Variants in PLCH2 observed in about 807,000 individuals in gnomAD.
PLCH2 encodes phospholipase C eta 2.
Under a neutral mutation model 134.7 loss-of-function variants are expected in PLCH2, and 98 were observed. That is an observed-to-expected ratio of 0.73 (90% CI 0.62 to 0.86). The LOEUF is 0.86. Ranked by LOEUF, PLCH2 falls within the 40% of genes least tolerant of loss-of-function variation. PLCH2 has a pLI of 0.00. For synonymous variants in PLCH2, 974 were observed against 827.5 expected, an observed-to-expected ratio of 1.18 and a Z score of -3.04; for missense variants, 1,994 against 1,986.6, an observed-to-expected ratio of 1.00 and a Z score of -0.07.
intron 21 of PLCH2, chr1:2,502,942 G>C (rs962022377): frequency 1.4e-6 from 1 of 717,172 alleles, no homozygotes; most frequent in Admixed American, 2.0e-5. Flanking sequence ...TGGTCCTCCC[G>C]CACGCCCCTG....
At chr1:2,420,033 A>G in the PLCH2 span, among the ~76,000 whole-genome samples, 1 of 133,120 alleles carries the variant, frequency 7.5e-6, no homozygotes, top group Non-Finnish European at 1.5e-5. Flanking sequence ...CCTCCCCAGT[A>G]GCCTGGGTAC....
upstream of PLCH2, among the ~76,000 whole-genome samples, chr1:2,462,505 C>T (rs1640873834): frequency 2.0e-5 from 3 of 151,694 alleles, no homozygotes; most frequent in Admixed American, 2.0e-4. Context: ...TGGTCTTGTC[C>T]CCATGGCCTG....
rs1392224541 is a variant in PLCH2, at chr1:2,504,145, C to T, written c.3183C>T (p.Gly1061=). 3.6e-5 allele frequency: 55 copies of T among 1,519,668 alleles called. No individual in the cohort carries two copies. Among genetic ancestry groups the T allele is most frequent in the Non-Finnish European group, 4.6e-5 (52 of 1,135,298 alleles). The allele number at this position is 1,519,668 out of a possible 1,614,324, so 94.1% of individuals were successfully genotyped here. A position where few individuals can be genotyped will look rare whatever the true frequency, so the allele number is the denominator to read the frequency against. Residue 1061 remains glycine, a synonymous_variant, in exon 22 of 22, where the codon GGC becomes GGT. Transcript: ENST00000378486. ...PRDSRPRPCN[G]EGAGGAYERA... ...ACAGCAGGCCTCGGCCGTGCAACGG[C>T]GAGGGCGCCGGCGGGGCATACGAGA...
At chr1:2,441,794 T>C (rs1639704941) in intron 2 of PLCH2, among the ~76,000 whole-genome samples, 1 of 151,916 alleles carries the variant, frequency 6.6e-6, no homozygotes, top group Admixed American at 6.6e-5. Context: ...TGCCGCAGGG[T>C]TCACTGGGGG....
chr1:2,503,625 T>C, intron 21 of PLCH2: 1 of 683,528 alleles, frequency 1.5e-6, no homozygotes, highest in Non-Finnish European at 2.7e-6. Flanking sequence ...AGTTAGGAAC[T>C]GAGAGCGGCG....
upstream of PLCH2, among the ~76,000 whole-genome samples, chr1:2,425,248 C>CACACACATACAT (rs1638732502): frequency 1.4e-5 from 2 of 142,530 alleles, no homozygotes; most frequent in Non-Finnish European, 2.9e-5. Context: ...ACATATGTAA[C>CACACACATACAT]ACACACATAC....
Position 2,498,937 on chromosome 1 carries a change from T to G in PLCH2, c.2434+109T>G. 1 of 1,340,030 alleles carries G rather than the reference T, an allele frequency of 7.5e-7. No individual in the cohort carries two copies. The highest frequency in any genetic ancestry group is 1.0e-6 in the Non-Finnish European group (1 of 961,444). The allele number at this position is 1,340,030 out of a possible 1,614,324, so 83.0% of individuals were successfully genotyped here. On this transcript the variant is annotated intron_variant, in intron 18 of 21. Transcript: ENST00000378486. This position sits in a 1 kb window ranked among gnomAD's most constrained non-coding sequence, Gnocchi z 5.4. Reference sequence around the variant, plus strand: ...CTGCCCAGGCCTCCCTCAGTGACAGTCCTGGGCGCCCTCCCCTCTAGGTGG... The same window carrying G: ...CTGCCCAGGCCTCCCTCAGTGACAGGCCTGGGCGCCCTCCCCTCTAGGTGG...
chr1:2,480,335 T>C, intron 4 of PLCH2, 23 bp downstream of exon 4: 1 of 1,606,078 alleles, frequency 6.2e-7, no homozygotes, highest in Non-Finnish European at 8.5e-7. Context: ...GAGCCCTACC[T>C]GGGCTCCAGA....
intron 2 of PLCH2, among the ~76,000 whole-genome samples, chr1:2,431,841 A>G (rs1038074869): frequency 6.6e-6 from 1 of 151,684 alleles, no homozygotes; most frequent in Non-Finnish European, 1.5e-5. Flanking sequence ...TGCTGGGCCT[A>G]CCCTCATCCT....
At chr1:2,486,156 T>G (rs2100678326) in intron 5 of PLCH2, among the ~76,000 whole-genome samples, 1 of 152,226 alleles carries the variant, frequency 6.6e-6, no homozygotes, top group East Asian at 1.9e-4. Flanking sequence ...GGGGCCTGGA[T>G]AGGGGATTGG....
chr1:2,503,027 C>T, intron 21 of PLCH2: 1 of 713,996 alleles, frequency 1.4e-6, no homozygotes, highest in South Asian at 1.5e-5. Flanking sequence ...GCTCGTGGCT[C>T]TGTATCCGTG....
chr1:2,503,911 C>T lies in PLCH2; in HGVS notation c.2960-11C>T. On this transcript the variant is annotated splice_polypyrimidine_tract_variant and intron_variant, in intron 21 of 21. Coordinates refer to ENST00000378486, the MANE Select transcript of PLCH2 (RefSeq NM_014638.4). ...CCTCTGGCTCTCTCTCACTCCCCCA[C>T]CTCCCCACAGACACCCGCCCCCTCT... is the stretch of plus-strand genomic sequence containing the variant. 1.4e-6 allele frequency: 1 copy of T among 730,972 alleles called. No homozygotes were observed. Among genetic ancestry groups the T allele is most frequent in the South Asian group, 1.6e-5 (1 of 62,714 alleles). 45.3% of individuals were successfully genotyped at this position (730,972 alleles called of 1,614,324 possible).
At chr1:2,450,343 C>A (rs955857581) in intron 2 of PLCH2, among the ~76,000 whole-genome samples, 1 of 152,120 alleles carries the variant, frequency 6.6e-6, no homozygotes, top group African/African-American at 2.4e-5. Context: ...GTTAGCTCAC[C>A]AGGACGTGCC....
chr1:2,438,752 G>A (rs560487396), intron 2 of PLCH2, among the ~76,000 whole-genome samples: 1 of 152,142 alleles, frequency 6.6e-6, no homozygotes, highest in African/African-American at 2.4e-5. Context: ...ATTCCAGCTG[G>A]GAGCACCCCC....
intron 2 of PLCH2, among the ~76,000 whole-genome samples, chr1:2,455,950 AGCG>A (rs1640471284): frequency 6.6e-6 from 1 of 152,242 alleles, no homozygotes; most frequent in Admixed American, 6.5e-5. Flanking sequence ...GTATTTTTAA[AGCG>A]GCTTTGCAGC....
chr1:2,424,726 G>A (rs576207893), upstream of PLCH2, among the ~76,000 whole-genome samples: 74 of 152,264 alleles, frequency 4.9e-4, no homozygotes, highest in Non-Finnish European at 7.6e-4. Context: ...GGTGGCTCAT[G>A]CCTGTAATCC....
chr1:2,459,862 G>A lies in PLCH2; in HGVS notation c.116-18614G>A, dbSNP rs181719305. Among the ~76,000 whole-genome samples the A allele has an allele frequency of 2.4e-3, 370 of 152,386 alleles. 1 individual carries two copies. Among genetic ancestry groups the A allele is most frequent in the Non-Finnish European group, 4.4e-3 (296 of 68,038 alleles). ...CGTGGACGGCGGGCAGTGTTTGGAG[G>A]CCAGTTTCTGCTCAGCGCCTCATGG... is the stretch of plus-strand genomic sequence containing the variant. On this transcript the variant is annotated intron_variant, in intron 2 of 3. Coordinates refer to the PLCH2 transcript ENST00000609981.
intron 1 of PLCH2, among the ~76,000 whole-genome samples, chr1:2,477,467 G>A (rs967534332): frequency 3.9e-5 from 6 of 152,190 alleles, no homozygotes; most frequent in Admixed American, 3.3e-4. Context: ...CCCCCGCCAG[G>A]GTCCCTCAGC....
rs188978018 is a variant in PLCH2 at position 2,479,952 on chromosome 1, G to A, written c.490G>A (p.Ala164Thr). The change falls in exon 3 of 22, where the codon GCT (alanine) becomes ACT (threonine). Residue 164 changes from alanine (A) to threonine (T), a missense_variant. Physicochemically the swap from Ala to Thr is moderately conservative, Grantham distance 58 (BLOSUM62 0). Transcript: ENST00000378486. ...MAGISDEDSLARRQRTRDQWL... is the reference protein window; with the variant it reads ...MAGISDEDSLTRRQRTRDQWL... The stretch of plus-strand genomic sequence containing the variant: ...CGGCATCAGCGACGAGGACAGCCTG[G>A]CTCGCCGCCAGCGCACCAGGGACCA... 8 of 1,607,226 alleles carry A rather than the reference G, an allele frequency of 5.0e-6. No homozygotes were observed. Among genetic ancestry groups the A allele is most frequent in the Non-Finnish European group, 6.0e-6 (7 of 1,176,310 alleles).
Sources: allele counts gnomAD v4.1 joint callset (sites outside exome capture counted in the v4.1 genomes callset), GRCh38; gene constraint gnomAD v4.1.1; non-coding constraint Gnocchi (gnomAD v3.1); transcripts MANE v1.5; gene names NCBI Gene and HGNC (gene_info 2026-07-23, HGNC 2026-07-21).